Variants in CLIC5 observed in about 807,000 individuals in gnomAD.
The protein encoded by CLIC5 is chloride intracellular channel protein 5.
Under a neutral mutation model 24.7 loss-of-function variants are expected in CLIC5, and 20 were observed. The observed-to-expected ratio is 0.81, with a 90% CI of 0.57 to 1.18. The LOEUF is 1.18. Ranked by LOEUF, CLIC5 falls within the 50% of genes most tolerant of loss-of-function variation. The probability of loss-of-function intolerance (pLI) is 0.00; values close to 1 mark genes in which losing one functional copy is unlikely to be tolerated. For synonymous variants in CLIC5, 159 were observed against 135.6 expected (o/e 1.17, Z -1.20); for missense variants, 341 against 326.1 (o/e 1.05, Z -0.35).
chr6:45,911,904 G>A (rs1365493109), intron 5 of CLIC5: 2 of 985,468 alleles, frequency 2.0e-6, no homozygotes, highest in African/African-American at 1.7e-5. Context: ...ATGAGAACTA[G>A]GAGGGGGCCA....
intron 4 of CLIC5, among the ~76,000 whole-genome samples, chr6:45,938,855 T>A (rs1023368544): frequency 4.6e-5 from 7 of 151,918 alleles, no homozygotes; most frequent in Non-Finnish European, 1.0e-4. Context: ...GGGTGTGGAG[T>A]CTGAAAACGA....
intron 6 of CLIC5, among the ~76,000 whole-genome samples, chr6:45,888,206 A>G (rs1561911090): frequency 6.6e-6 from 1 of 152,128 alleles, no homozygotes; most frequent in Non-Finnish European, 1.5e-5. Flanking sequence ...TTTAAATTTC[A>G]CACATGAGCC....
At chr6:45,889,851 G>T (rs1480800778) in intron 6 of CLIC5, among the ~76,000 whole-genome samples, 1 of 152,126 alleles carries the variant, frequency 6.6e-6, no homozygotes, top group Non-Finnish European at 1.5e-5. Context: ...GTTTGCTGCA[G>T]CATTATTTCA....
At chr6:46,097,353 G>GA in the CLIC5 span, 2 of 152,136 alleles carry the variant, frequency 1.3e-5, no homozygotes, top group South Asian at 4.1e-4. Flanking sequence ...ATGTCTAAAA[G>GA]AAAAAAACAA....
At chr6:45,963,522 C>T (rs1432433414) in intron 1 of CLIC5, among the ~76,000 whole-genome samples, 11 of 152,160 alleles carry the variant, frequency 7.2e-5, no homozygotes, top group Non-Finnish European at 1.6e-4. Flanking sequence ...CATTTGCCCT[C>T]TCAGCTCACC....
chr6:46,055,909 G>A (rs938155014), intron 1 of CLIC5, among the ~76,000 whole-genome samples: 3 of 152,184 alleles, frequency 2.0e-5, no homozygotes, highest in Non-Finnish European at 4.4e-5. Flanking sequence ...AAGTAAAGTG[G>A]TTATTGGCTG....
chr6:45,912,789 T>C (rs1394674876), intron 5 of CLIC5: 1 of 1,276,014 alleles, frequency 7.8e-7, no homozygotes, highest in East Asian at 2.5e-5. Context: ...CAGTAGTTAA[T>C]AACTTCAAAG....
At chr6:46,108,381 TG>T in the CLIC5 span, among the ~76,000 whole-genome samples, 2 of 142,418 alleles carry the variant, frequency 1.4e-5, no homozygotes, top group Non-Finnish European at 3.1e-5. Context: ...TGTGTGTGTG[TG>T]TGTGTGTGTG....
chr6:45,941,147 C>T (rs945727425), intron 4 of CLIC5, among the ~76,000 whole-genome samples: 10 of 152,168 alleles, frequency 6.6e-5, no homozygotes, highest in Admixed American at 6.5e-4. Context: ...CCTGGAGAAA[C>T]CTTGTAGGGA....
intron 6 of CLIC5, among the ~76,000 whole-genome samples, chr6:45,887,140 T>C (rs182132682): frequency 1.3e-5 from 2 of 152,240 alleles, no homozygotes; most frequent in African/African-American, 4.8e-5. Flanking sequence ...TAGACATTTT[T>C]AGAAATGAAC....
At position 45,902,969 on chromosome 6, in the gene CLIC5, A is replaced by G; in HGVS notation, c.*119T>C. 9.0e-7 allele frequency: 1 copy of G among 1,106,776 alleles called. No homozygotes were observed. Among genetic ancestry groups the G allele is most frequent in the African/African-American group, 1.6e-5 (1 of 64,266 alleles). 68.6% of individuals were successfully genotyped at this position (1,106,776 alleles called of 1,614,324 possible). On this transcript the variant is annotated 3_prime_UTR_variant, in exon 6 of 6. Coordinates refer to ENST00000339561, the MANE Select transcript of CLIC5 (RefSeq NM_016929.5). ...CTGGAGTTCCCATGATACCAGCAAG[A>G]TGAGGCTTGATTATAAAAAGTGCGC... is the stretch of plus-strand genomic sequence containing the variant.
rs369109629 is a variant in CLIC5, at chr6:45,941,656, G to A, written c.300-3C>T. The A allele has an allele frequency of 1.2e-5, 19 of 1,608,926 alleles. No homozygotes were observed. The highest frequency in any genetic ancestry group is 1.6e-4 in the Middle Eastern group (1 of 6,078). On this transcript the variant is annotated splice_polypyrimidine_tract_variant and splice_region_variant and intron_variant, in intron 3 of 5. Transcript: ENST00000339561. ...GTTTTGCAGCCAGTTTGGGGTACCTGGAATGGAGGATGCAGTGTTCTGTGA... is the reference window on the plus strand; with the variant it reads ...GTTTTGCAGCCAGTTTGGGGTACCTAGAATGGAGGATGCAGTGTTCTGTGA...
intron 1 of CLIC5, among the ~76,000 whole-genome samples, chr6:45,969,737 A>G (rs542772906): frequency 6.6e-6 from 1 of 151,748 alleles, no homozygotes; most frequent in Admixed American, 6.6e-5. Flanking sequence ...ACTGCTGAAG[A>G]CAGAGGAAGA....
chr6:45,899,557 C>T lies in CLIC5; in HGVS notation c.*3531G>A, dbSNP rs1762458080. 6.6e-6 allele frequency: 1 copy of T among 152,364 alleles called. No homozygotes were observed. Among genetic ancestry groups the T allele is most frequent in the Non-Finnish European group, 1.5e-5 (1 of 68,142 alleles). The allele number at this position is 152,364 out of a possible 1,614,324, so 9.4% of individuals were successfully genotyped here. ...CGCAGCTTCCTGCCTCTGCCTCTCT[C>T]TTAGTTCTATTTGTCCAGGCCTTGC... On this transcript the variant is annotated 3_prime_UTR_variant, in exon 6 of 6. Coordinates refer to ENST00000339561, the MANE Select transcript of CLIC5 (RefSeq NM_016929.5).
At chr6:46,076,966 G>A (rs551535144) in intron 1 of CLIC5, among the ~76,000 whole-genome samples, 2 of 151,954 alleles carry the variant, frequency 1.3e-5, no homozygotes, top group African/African-American at 2.4e-5. Context: ...GTGAAAACCC[G>A]TCTCTACTAA....
At chr6:46,046,638 A>G (rs1389926751) in intron 1 of CLIC5, among the ~76,000 whole-genome samples, 1 of 152,202 alleles carries the variant, frequency 6.6e-6, no homozygotes, top group Non-Finnish European at 1.5e-5. Flanking sequence ...GATAAAGTCC[A>G]CTTGAAACCA....
intron 1 of CLIC5, among the ~76,000 whole-genome samples, chr6:46,048,771 G>A (rs969163648): frequency 1.3e-5 from 2 of 152,130 alleles, no homozygotes; most frequent in African/African-American, 4.8e-5. Flanking sequence ...GCCATCAGGT[G>A]CCACTTGTCT....
the CLIC5 span, among the ~76,000 whole-genome samples, chr6:46,119,152 G>C: frequency 2.0e-5 from 3 of 152,188 alleles, no homozygotes; most frequent in Non-Finnish European, 4.4e-5. Context: ...CTCCAGAACT[G>C]GAAGTAAAAA....
intron 1 of CLIC5, among the ~76,000 whole-genome samples, chr6:45,959,322 A>G (rs1013272896): frequency 5.3e-5 from 8 of 152,254 alleles, no homozygotes; most frequent in Admixed American, 2.6e-4. Context: ...ACATTTAAAT[A>G]TTTAGAAAAA....
Sources: allele counts gnomAD v4.1 joint callset (sites outside exome capture counted in the v4.1 genomes callset), GRCh38; gene constraint gnomAD v4.1.1; transcripts MANE v1.5; gene names NCBI Gene and HGNC (gene_info 2026-07-23, HGNC 2026-07-21).